The following CENPK variants were observed in gnomAD, a reference collection of about 807,000 sequenced individuals.
The protein encoded by CENPK is centromere protein K, also known as SoxLZ/Sox6-binding protein Solt.
A neutral mutation model predicts 40.9 loss-of-function variants in CENPK; 46 were observed. The observed-to-expected ratio is 1.13, with a 90% CI of 0.89 to 1.44. The LOEUF (loss-of-function observed/expected upper bound fraction) is 1.44. CENPK is among the 40% of genes most tolerant of loss of function. The pLI is 0.00. For missense variants in CENPK, 288 were observed against 303.5 expected, an observed-to-expected ratio of 0.95 and a Z score of 0.38; for synonymous variants, 107 against 104.4, an observed-to-expected ratio of 1.02 and a Z score of -0.15.
intron 9 of CENPK, among the ~76,000 whole-genome samples, chr5:65,523,666 C>T (rs192117859): frequency 1.2e-4 from 18 of 152,014 alleles, no homozygotes; most frequent in Admixed American, 3.3e-4. Context: ...TTGAGACAAA[C>T]GAAATGCAGA....
chr5:65,532,439 G>A (rs1746014816), intron 6 of CENPK, among the ~76,000 whole-genome samples: 1 of 151,848 alleles, frequency 6.6e-6, no homozygotes, highest in South Asian at 2.1e-4. Context: ...GCCTAACAAA[G>A]ACATCACAAA....
intron 2 of CENPK, among the ~76,000 whole-genome samples, chr5:65,555,683 G>A (rs1166265192): frequency 2.6e-5 from 4 of 152,170 alleles, no homozygotes; most frequent in Non-Finnish European, 5.9e-5. Flanking sequence ...TCCCATTCTG[G>A]ATATATTTTC....
chr5:65,512,718 T>C, the CENPK span, among the ~76,000 whole-genome samples: 25 of 152,336 alleles, frequency 1.6e-4, no homozygotes, highest in African/African-American at 5.8e-4. Context: ...TTTATTGCAG[T>C]TGTCTGGAAC....
chr5:65,508,786 T>TAA, the CENPK span, among the ~76,000 whole-genome samples: 4,568 of 85,810 alleles, frequency 0.053, 238 homozygotes, highest in African/African-American at 0.12. Context: ...AGACTCCATC[T>TAA]AAAAAAAAAA....
At chr5:65,550,755 G>T in intron 5 of CENPK, 1 of 151,864 alleles carries the variant, frequency 6.6e-6, no homozygotes, top group East Asian at 1.9e-4. Context: ...AGAAACTTAA[G>T]CTCTCACATT....
At chr5:65,534,878 G>T (rs1746595081) in intron 6 of CENPK, among the ~76,000 whole-genome samples, 1 of 152,162 alleles carries the variant, frequency 6.6e-6, no homozygotes, top group African/African-American at 2.4e-5. Context: ...TTGATTAAAT[G>T]GAGTTAATCA....
chr5:65,551,701 T>C (rs1581074220), intron 4 of CENPK, 65 bp from the exon 5 acceptor site: 2 of 912,748 alleles, frequency 2.2e-6, no homozygotes, highest in Non-Finnish European at 3.3e-6. Flanking sequence ...GATGAAAATA[T>C]AAACATTCTT....
At chr5:65,522,846 G>A (rs1744026489) in intron 9 of CENPK, among the ~76,000 whole-genome samples, 1 of 152,182 alleles carries the variant, frequency 6.6e-6, no homozygotes, top group Non-Finnish European at 1.5e-5. Flanking sequence ...TGATCTAGGT[G>A]TGATTTGACT....
At position 65,548,424 on chromosome 5, in the gene CENPK, T is replaced by G. The variant is rs555601119; in HGVS notation, c.241+3140A>C. Among the ~76,000 whole-genome samples the G allele has an allele frequency of 4.6e-5, 7 of 152,280 alleles. No homozygotes were observed. The East Asian group carries it at 1.4e-3, about 29-fold the overall frequency. On this transcript the variant is annotated intron_variant, in intron 5 of 10. Transcript: ENST00000396679. The stretch of plus-strand genomic sequence containing the variant: ...TATCTCAGTGTTAATGGCTGATGAC[T>G]GATCAGGTTAGTGGCTACTGAAGGT...
At chr5:65,498,985 T>C in the CENPK span, among the ~76,000 whole-genome samples, 1 of 151,906 alleles carries the variant, frequency 6.6e-6, no homozygotes, top group South Asian at 2.1e-4. Context: ...TTCCTAATAT[T>C]CCAAGATTCC....
chr5:65,549,288 A>G lies in CENPK; in HGVS notation c.241+2276T>C, dbSNP rs971234951. ...CCATGCTATAAACAGGTGTACTGTCATCCAGGCTTTACTGTTCCATTTACA... is the reference window on the plus strand; with the variant it reads ...CCATGCTATAAACAGGTGTACTGTCGTCCAGGCTTTACTGTTCCATTTACA... On this transcript the variant is annotated intron_variant, in intron 5 of 10. Transcript: ENST00000396679. Among the ~76,000 whole-genome samples, 19 of 152,230 alleles carry G rather than the reference A, an allele frequency of 1.2e-4. No homozygotes were observed. The East Asian group carries it at 1.4e-3, about 11-fold the overall frequency.
intron 5 of CENPK, among the ~76,000 whole-genome samples, chr5:65,543,772 T>C (rs1411634322): frequency 6.6e-6 from 1 of 152,192 alleles, no homozygotes; most frequent in Non-Finnish European, 1.5e-5. Context: ...CTCATTTCTA[T>C]AGAACAGATT....
At chr5:65,555,893 T>C (rs912778439) in intron 2 of CENPK, among the ~76,000 whole-genome samples, 4 of 152,208 alleles carry the variant, frequency 2.6e-5, no homozygotes, top group African/African-American at 7.2e-5. Context: ...GATTAAGCAA[T>C]TAGATATACA....
At chr5:65,500,537 T>C in the CENPK span, among the ~76,000 whole-genome samples, 4 of 152,042 alleles carry the variant, frequency 2.6e-5, no homozygotes, top group Admixed American at 2.0e-4. Context: ...TCTTGTAAAT[T>C]TGTTTGAGTT....
chr5:65,508,785 C>T, the CENPK span, among the ~76,000 whole-genome samples: 1 of 65,546 alleles, frequency 1.5e-5, no homozygotes, highest in Non-Finnish European at 2.6e-5. Flanking sequence ...AAGACTCCAT[C>T]TAAAAAAAAA....
intron 6 of CENPK, among the ~76,000 whole-genome samples, chr5:65,541,177 C>T (rs1747909568): frequency 6.6e-6 from 1 of 152,130 alleles, no homozygotes; most frequent in Admixed American, 6.6e-5. Context: ...GTAAGTTTAT[C>T]TCTCAGTTCT....
At chr5:65,551,469 A>C in intron 5 of CENPK, 95 bp downstream of exon 5, 1 of 677,714 alleles carries the variant, frequency 1.5e-6, no homozygotes, top group Non-Finnish European at 2.4e-6. Flanking sequence ...AATTTCAAAA[A>C]GGCCAAATGG....
chr5:65,540,808 CTT>C (rs36024048), intron 6 of CENPK, among the ~76,000 whole-genome samples: 361 of 130,182 alleles, frequency 2.8e-3, no homozygotes, highest in African/African-American at 3.6e-3. Flanking sequence ...CAACTGTATC[CTT>C]TTTTTTTTTT....
intron 6 of CENPK, among the ~76,000 whole-genome samples, chr5:65,530,765 C>T (rs924967807): frequency 6.6e-6 from 1 of 151,400 alleles, no homozygotes; most frequent in Non-Finnish European, 1.5e-5. Flanking sequence ...CAAAAATTAG[C>T]CAGGCATGGT....
Sources: allele counts gnomAD v4.1 joint callset (sites outside exome capture counted in the v4.1 genomes callset), GRCh38; gene constraint gnomAD v4.1.1; transcripts MANE v1.5; gene names NCBI Gene and HGNC (gene_info 2026-07-23, HGNC 2026-07-21).